Variants in SRPK2 observed in about 807,000 individuals in gnomAD.
The protein encoded by SRPK2 is SRSF protein kinase 2.
Under a neutral mutation model 90.8 loss-of-function variants are expected in SRPK2, and 21 were observed. That is an observed-to-expected ratio of 0.23 (90% confidence interval 0.16 to 0.33). SRPK2 has a LOEUF of 0.33. SRPK2 is among the 10% of genes least tolerant of loss of function. The probability of loss-of-function intolerance (pLI) is 1.00; values close to 1 mark genes in which losing one functional copy is unlikely to be tolerated. For synonymous variants in SRPK2, 288 were observed against 311.1 expected (o/e 0.93, Z 0.78); for missense variants, 620 against 869.0 (o/e 0.71, Z 3.60).
chr7:105,197,095 G>C (rs898477139), intron 3 of SRPK2, among the ~76,000 whole-genome samples: 1 of 151,966 alleles, frequency 6.6e-6, no homozygotes, highest in Non-Finnish European at 1.5e-5. Context: ...CGGAGGGTTG[G>C]GGGGCAGGGA....
intron 2 of SRPK2, among the ~76,000 whole-genome samples, chr7:105,296,153 A>C (rs1281627655): frequency 6.6e-6 from 1 of 152,228 alleles, no homozygotes; most frequent in Non-Finnish European, 1.5e-5. Context: ...AAACTACTCC[A>C]CAAGTGCTTT....
chr7:105,136,837 A>G (rs1219998991), intron 11 of SRPK2, among the ~76,000 whole-genome samples: 1 of 152,224 alleles, frequency 6.6e-6, no homozygotes, highest in Non-Finnish European at 1.5e-5. Context: ...CATTCGTGCA[A>G]CAAATATTTA....
At chr7:105,265,406 T>C (rs1339129422) in intron 2 of SRPK2, among the ~76,000 whole-genome samples, 2 of 152,098 alleles carry the variant, frequency 1.3e-5, no homozygotes, top group Non-Finnish European at 2.9e-5. Context: ...ACTATACCAT[T>C]TTACATGAAG....
intron 3 of SRPK2, among the ~76,000 whole-genome samples, chr7:105,192,591 G>A (rs186245849): frequency 9.2e-5 from 14 of 152,296 alleles, no homozygotes; most frequent in African/African-American, 3.4e-4. Flanking sequence ...ATCAATGGTA[G>A]TTCTACTTTT....
At chr7:105,348,625 GT>G (rs1440161394) in intron 2 of SRPK2, among the ~76,000 whole-genome samples, 2 of 151,060 alleles carry the variant, frequency 1.3e-5, no homozygotes, top group African/African-American at 2.4e-5. Flanking sequence ...ATTTCACCAT[GT>G]TGGCCAGGCT....
chr7:105,349,576 A>G (rs1213616412), intron 2 of SRPK2, among the ~76,000 whole-genome samples: 1 of 151,922 alleles, frequency 6.6e-6, no homozygotes, highest in African/African-American at 2.4e-5. Context: ...TAGTAGCATT[A>G]AAGTACAACC....
intron 3 of SRPK2, among the ~76,000 whole-genome samples, chr7:105,176,603 G>GTA (rs1377016278): frequency 3.3e-5 from 3 of 90,558 alleles, no homozygotes; most frequent in African/African-American, 1.4e-4. Flanking sequence ...GTGTGTGTGT[G>GTA]TGTGTGTATA....
intron 2 of SRPK2, among the ~76,000 whole-genome samples, chr7:105,261,065 C>CA (rs1268093677): frequency 5.0e-5 from 7 of 139,696 alleles, no homozygotes; most frequent in African/African-American, 1.6e-4. Context: ...CAAATGTGAC[C>CA]AAAAAACACC....
At chr7:105,152,128 G>A (rs1435725497) in intron 7 of SRPK2, among the ~76,000 whole-genome samples, 2 of 151,504 alleles carry the variant, frequency 1.3e-5, no homozygotes, top group African/African-American at 4.9e-5. Context: ...ACAAAACTTT[G>A]ATTCCATAAT....
chr7:105,130,651 T>C (rs372182997), intron 13 of SRPK2, among the ~76,000 whole-genome samples: 6 of 151,092 alleles, frequency 4.0e-5, no homozygotes, highest in Admixed American at 1.3e-4. Context: ...AAATTTAATA[T>C]ATTAAATGTC....
At chr7:105,139,961 A>T (rs191935547) in intron 11 of SRPK2, among the ~76,000 whole-genome samples, 2 of 152,250 alleles carry the variant, frequency 1.3e-5, no homozygotes, top group Admixed American at 1.3e-4. Flanking sequence ...AAATCCACAG[A>T]TGCTCAAGTC....
At chr7:105,248,977 G>A (rs1042368949) in intron 2 of SRPK2, among the ~76,000 whole-genome samples, 1 of 152,022 alleles carries the variant, frequency 6.6e-6, no homozygotes, top group Non-Finnish European at 1.5e-5. Context: ...AGGAGAGGGT[G>A]GAAAATAACA....
chr7:105,129,939 G>C (rs6950620), intron 13 of SRPK2, among the ~76,000 whole-genome samples: 2 of 152,054 alleles, frequency 1.3e-5, no homozygotes, highest in East Asian at 3.9e-4. Flanking sequence ...CTATGGCACT[G>C]ACCAGGACTC....
chr7:105,265,643 C>T (rs1054410402), intron 2 of SRPK2, among the ~76,000 whole-genome samples: 1 of 152,014 alleles, frequency 6.6e-6, no homozygotes, highest in African/African-American at 2.4e-5. Flanking sequence ...ATCAGATATT[C>T]ACATTTATTA....
chr7:105,167,510 A>G (rs778646665), intron 5 of SRPK2, 46 bp from the exon 6 acceptor site: 1 of 1,472,036 alleles, frequency 6.8e-7, no homozygotes, highest in Admixed American at 1.7e-5. Flanking sequence ...TTTGAGACAA[A>G]GCATGTTTTC....
chr7:105,266,988 C>A (rs1805178262), intron 2 of SRPK2, among the ~76,000 whole-genome samples: 1 of 152,066 alleles, frequency 6.6e-6, no homozygotes. Context: ...CATTTATCAA[C>A]CATTAAGTCA....
upstream of SRPK2, among the ~76,000 whole-genome samples, chr7:105,393,624 C>T (rs1325436769): frequency 6.6e-6 from 1 of 151,648 alleles, no homozygotes; most frequent in Non-Finnish European, 1.5e-5. Context: ...TGGACATGAG[C>T]CACCACATTC....
intron 2 of SRPK2, among the ~76,000 whole-genome samples, chr7:105,298,522 T>C (rs921327366): frequency 6.6e-6 from 1 of 152,162 alleles, no homozygotes; most frequent in Admixed American, 6.5e-5. Flanking sequence ...TCATATAGTG[T>C]CTGACTCTAA....
At chr7:105,162,324 G>A (rs1160788776) in intron 6 of SRPK2, among the ~76,000 whole-genome samples, 1 of 152,168 alleles carries the variant, frequency 6.6e-6, no homozygotes, top group Non-Finnish European at 1.5e-5. Flanking sequence ...TTACAGGCAT[G>A]AGCCACCACA....
Sources: allele counts gnomAD v4.1 joint callset (sites outside exome capture counted in the v4.1 genomes callset), GRCh38; gene constraint gnomAD v4.1.1; transcripts MANE v1.5; gene names NCBI Gene and HGNC (gene_info 2026-07-23, HGNC 2026-07-21).